The following SIK2 variants were observed in gnomAD, a reference collection of about 807,000 sequenced individuals.
The protein encoded by SIK2 is salt inducible kinase 2.
A neutral mutation model predicts 103.2 loss-of-function variants in SIK2; 29 were observed. That is an observed-to-expected ratio of 0.28 (90% confidence interval 0.21 to 0.38). The LOEUF (loss-of-function observed/expected upper bound fraction) is 0.38. SIK2 is among the 10% of genes least tolerant of loss of function. The probability of loss-of-function intolerance (pLI) is 1.00; values close to 1 mark genes in which losing one functional copy is unlikely to be tolerated. For missense variants in SIK2, 879 were observed against 1,171.0 expected (o/e 0.75, Z 3.64); for synonymous variants, 412 against 446.1 (o/e 0.92, Z 0.96).
At chr11:111,603,356 T>C (rs1941609727) in intron 1 of SIK2, among the ~76,000 whole-genome samples, 1 of 152,148 alleles carries the variant, frequency 6.6e-6, no homozygotes, top group South Asian at 2.1e-4. Context: ...CCCCAGACAA[T>C]AGAACTGGTT....
chr11:111,672,223 A>G, intron 3 of SIK2: 1 of 390,484 alleles, frequency 2.6e-6, no homozygotes, highest in South Asian at 2.4e-5. Flanking sequence ...TGGCCTCAGC[A>G]TAGCCTCCAC....
chr11:111,679,112 GT>G, intron 3 of SIK2, among the ~76,000 whole-genome samples: 1 of 152,164 alleles, frequency 6.6e-6, no homozygotes, highest in East Asian at 1.9e-4. Flanking sequence ...TATTAAAGAT[GT>G]GGAAAATGTT....
chr11:111,671,565 G>A, intron 3 of SIK2: 1 of 324,652 alleles, frequency 3.1e-6, no homozygotes, highest in Non-Finnish European at 5.9e-6. Flanking sequence ...CCTTGGCCTG[G>A]CTGTGATTGG....
In SIK2 at chr11:111,723,507, A is replaced by G; in HGVS notation, c.2159A>G (p.Lys720Arg). ...QQLQEHRLQQ[K>R]RLFLQKQSQL... ...TATTACCAATTTAGGCTCCAGCAGA[A>G]GCGACTCTTTCTTCAGAAGCAGTCT... Residue 720 changes from lysine (K) to arginine (R), a missense_variant, in exon 15 of 15, where the codon AAG becomes AGG. By Grantham distance (26) the Lys-to-Arg change is conservative (BLOSUM62 2). Around this residue, in one of 7 missense-constraint regions of SIK2, gnomAD observed 375 missense variants for 416.3 expected, o/e 0.90. Transcript: ENST00000304987. 4 of 1,601,126 alleles carry G rather than the reference A, an allele frequency of 2.5e-6. No individual in the cohort carries two copies. Among genetic ancestry groups the G allele is most frequent in the Admixed American group, 1.7e-5 (1 of 58,562 alleles).
At chr11:111,606,871 T>C (rs985020277) in intron 1 of SIK2, among the ~76,000 whole-genome samples, 1 of 150,930 alleles carries the variant, frequency 6.6e-6, no homozygotes, top group Non-Finnish European at 1.5e-5. Flanking sequence ...CCCAGCACAG[T>C]GGGAGGCCAA....
intron 14 of SIK2, 148 bp from the exon 15 acceptor site, chr11:111,723,348 C>T (rs1218903414): frequency 2.5e-6 from 2 of 807,110 alleles, no homozygotes; most frequent in Non-Finnish European, 3.9e-6. Context: ...AGAGACCCAA[C>T]ACAATTGGTT....
chr11:111,691,533 C>G (rs2135900847), intron 4 of SIK2, among the ~76,000 whole-genome samples: 1 of 152,304 alleles, frequency 6.6e-6, no homozygotes, highest in Non-Finnish European at 1.5e-5. Context: ...TGTCCTTCTC[C>G]CACTACACCA....
At chr11:111,604,062 T>A (rs1182964835) in intron 1 of SIK2, among the ~76,000 whole-genome samples, 1 of 152,266 alleles carries the variant, frequency 6.6e-6, no homozygotes, top group Non-Finnish European at 1.5e-5. Context: ...TCTTTTAGAA[T>A]CAGGACCAAG....
rs972086903 is a variant in SIK2, at chr11:111,635,296, A to G, written c.316+14894A>G. Among the ~76,000 whole-genome samples the G allele has an allele frequency of 2.0e-5, 3 of 152,076 alleles. No homozygotes were observed. The South Asian group carries it at 6.3e-4, about 32-fold the overall frequency. On this transcript the variant is annotated intron_variant, in intron 3 of 14. Transcript: ENST00000304987. ...TTTCTGAACCTCAGTGTGTTCTAAA[A>G]ATGAAAGGGGTATATGAGTTTAGTA...
chr11:111,662,682 G>C (rs1168599091), intron 3 of SIK2, among the ~76,000 whole-genome samples: 1 of 152,094 alleles, frequency 6.6e-6, no homozygotes, highest in Non-Finnish European at 1.5e-5. Context: ...TTTGAGACCA[G>C]CCTGGGCAAC....
chr11:111,687,992 C>T lies in SIK2; in HGVS notation c.317-9C>T. 1 of 1,613,372 alleles carries T rather than the reference C, an allele frequency of 6.2e-7. No individual in the cohort carries two copies. Among genetic ancestry groups the T allele is most frequent in the Non-Finnish European group, 8.5e-7 (1 of 1,179,768 alleles). ...GGTGACTAATTCTTAATCCTCTCTTCATTTACAGACTATCTTGCTAATCAT... is the reference window on the plus strand; with the variant it reads ...GGTGACTAATTCTTAATCCTCTCTTTATTTACAGACTATCTTGCTAATCAT... On this transcript the variant is annotated splice_polypyrimidine_tract_variant and intron_variant, in intron 3 of 14. Coordinates refer to ENST00000304987, the MANE Select transcript of SIK2 (RefSeq NM_015191.3).
At chr11:111,622,193 A>G (rs1230558242) in intron 3 of SIK2, among the ~76,000 whole-genome samples, 1 of 144,508 alleles carries the variant, frequency 6.9e-6, no homozygotes, top group Non-Finnish European at 1.5e-5. Context: ...ATTCATATGT[A>G]TGTATATATT....
intron 3 of SIK2, among the ~76,000 whole-genome samples, chr11:111,644,218 G>A (rs1328716736): frequency 6.6e-6 from 1 of 150,866 alleles, no homozygotes; most frequent in African/African-American, 2.4e-5. Context: ...GAACCCAGGA[G>A]GCGGAGGTTG....
rs1345422183 is a variant in SIK2 at position 111,722,726 on chromosome 11, G to A, written c.2117G>A (p.Arg706Gln). The A allele has an allele frequency of 1.2e-6, 2 of 1,614,104 alleles. No individual in the cohort carries two copies. Among genetic ancestry groups the A allele is most frequent in the Non-Finnish European group, 1.7e-6 (2 of 1,179,982 alleles). Reference sequence around the variant, plus strand: ...CAGCTTTATTGCAAAGAACCACCGCGGAGCCTTGAGCAGCAGCTGCAGGAA... The same window carrying A: ...CAGCTTTATTGCAAAGAACCACCGCAGAGCCTTGAGCAGCAGCTGCAGGAA... The part of the protein sequence containing the change: ...TCQLYCKEPP[R>Q]SLEQQLQEHR... The change falls in exon 14 of 15, where the codon CGG becomes CAG. Residue 706 changes from arginine to glutamine, a missense_variant. Around this residue, in one of 7 missense-constraint regions of SIK2, gnomAD observed 375 missense variants for 416.3 expected, o/e 0.90. Transcript: ENST00000304987. The surrounding 1 kb of genome is among the most constrained non-coding windows in gnomAD (Gnocchi z 4.4).
At chr11:111,675,447 A>G (rs952320438) in intron 3 of SIK2, among the ~76,000 whole-genome samples, 2 of 152,182 alleles carry the variant, frequency 1.3e-5, no homozygotes, top group Non-Finnish European at 2.9e-5. Context: ...ATCCTCTGTG[A>G]TTTCTAGGTG....
chr11:111,621,639 C>T (rs1467100384), intron 3 of SIK2, among the ~76,000 whole-genome samples: 7 of 152,108 alleles, frequency 4.6e-5, no homozygotes. Flanking sequence ...CTTGGCTGGG[C>T]ACAGTGGCTC....
intron 1 of SIK2, among the ~76,000 whole-genome samples, chr11:111,607,743 T>C (rs1941666462): frequency 2.6e-5 from 4 of 152,346 alleles, no homozygotes; most frequent in Admixed American, 2.6e-4. Flanking sequence ...AAATAGTATT[T>C]GTCAAAGTAT....
At chr11:111,669,436 A>T (rs1258739621) in intron 3 of SIK2, among the ~76,000 whole-genome samples, 1 of 152,166 alleles carries the variant, frequency 6.6e-6, no homozygotes, top group East Asian at 1.9e-4. Context: ...TAAAATTAGA[A>T]ATGTTTTCCC....
chr11:111,605,686 G>C (rs1164299492), intron 1 of SIK2, among the ~76,000 whole-genome samples: 1 of 152,070 alleles, frequency 6.6e-6, no homozygotes, highest in Non-Finnish European at 1.5e-5. Context: ...ATTTTTAACT[G>C]GTTCTTCTCT....
Sources: gnomAD v4.1 joint callset for allele counts (sites outside exome capture counted in the v4.1 genomes callset) on GRCh38, gnomAD v4.1.1 for gene constraint, gnomAD v4.1.1 regional missense constraint, Gnocchi (gnomAD v3.1) non-coding constraint, MANE v1.5 for transcripts, NCBI Gene and HGNC (gene_info 2026-07-23, HGNC 2026-07-21) for gene names.